The following VWA2 variants were observed in gnomAD, a reference collection of about 807,000 sequenced individuals.
VWA2 encodes the protein von Willebrand factor A domain containing 2, also known as von Willebrand factor A domain-containing protein 2.
A neutral mutation model predicts 70.4 loss-of-function variants in VWA2; 73 were observed. That is an observed-to-expected ratio of 1.04 (90% CI 0.86 to 1.26). The LOEUF is 1.26. Ranked by LOEUF, VWA2 falls within the 50% of genes most tolerant of loss-of-function variation. The probability of loss-of-function intolerance (pLI) is 0.00; values close to 1 mark genes in which losing one functional copy is unlikely to be tolerated. For missense variants in VWA2, 1,011 were observed against 998.5 expected (o/e 1.01, Z -0.17); for synonymous variants, 407 against 423.3 (o/e 0.96, Z 0.47).
intron 1 of VWA2, among the ~76,000 whole-genome samples, chr10:114,243,526 G>T (rs1281527808): frequency 6.6e-6 from 1 of 152,180 alleles, no homozygotes; most frequent in South Asian, 2.1e-4. Context: ...TCCCATTCAG[G>T]TGTGTACTGT....
At chr10:114,284,139 C>T (rs753639940) in intron 9 of VWA2, among the ~76,000 whole-genome samples, 8 of 152,342 alleles carry the variant, frequency 5.3e-5, no homozygotes, top group Non-Finnish European at 1.0e-4. Flanking sequence ...ATAGATCAGA[C>T]GCTTCAGAAT....
chr10:114,294,190 T>C lies in VWA2; in HGVS notation c.*2953T>C, dbSNP rs2039860169. 6.6e-6 allele frequency among the ~76,000 whole-genome samples: 1 copy of C among 152,242 alleles called. No homozygotes were observed. Among genetic ancestry groups the C allele is most frequent in the South Asian group, 2.1e-4 (1 of 4,836 alleles). ...CTGCTGAATTTTTCATTTGCCAACA[T>C]CTTATTTCAGATTCTTTTAATCTGT... On this transcript the variant is annotated 3_prime_UTR_variant, in exon 14 of 14. Transcript: ENST00000392982.
intron 9 of VWA2, 135 bp downstream of exon 9, chr10:114,282,706 G>C: frequency 2.8e-6 from 2 of 719,382 alleles, no homozygotes; most frequent in Non-Finnish European, 5.0e-6. Flanking sequence ...GGGCACTTGG[G>C]GGGCAGAGGA....
chr10:114,250,474 A>G (rs1209121209), intron 2 of VWA2, among the ~76,000 whole-genome samples: 2 of 152,190 alleles, frequency 1.3e-5, no homozygotes, highest in East Asian at 3.8e-4. Context: ...CAGCCTCGTG[A>G]GGCTCGGGGT....
chr10:114,245,055 G>A (rs1187157433), intron 1 of VWA2, among the ~76,000 whole-genome samples: 1 of 152,204 alleles, frequency 6.6e-6, no homozygotes. Context: ...GTGACAGTAG[G>A]GATTGTATTG....
chr10:114,253,740 T>C lies in VWA2; in HGVS notation c.127+15T>C, dbSNP rs568048765. ...TGCCAGCAAAAGTAAGCCCAGGTTC[T>C]TCTTAACCCTCCAGATGCCCACTCA... On this transcript the variant is annotated intron_variant, in intron 3 of 13. Coordinates refer to ENST00000392982, the MANE Select transcript of VWA2 (RefSeq NM_001272046.2). 1 of 1,611,502 alleles carries C rather than the reference T, an allele frequency of 6.2e-7. No homozygotes were observed. The highest frequency in any genetic ancestry group is 1.1e-5 in the South Asian group (1 of 90,936).
chr10:114,266,479 C>T (rs1189987933), intron 5 of VWA2, among the ~76,000 whole-genome samples: 1 of 152,128 alleles, frequency 6.6e-6, no homozygotes, highest in Non-Finnish European at 1.5e-5. Context: ...TCAACTCAAA[C>T]CCAGGACACT....
intron 3 of VWA2, 136 bp from the exon 4 acceptor site, chr10:114,254,779 G>A (rs1303857285): frequency 8.4e-7 from 1 of 1,190,890 alleles, no homozygotes; most frequent in Admixed American, 2.0e-5. Context: ...GAGGAGGGCT[G>A]CTTCTGCAGT....
Position 114,277,076 on chromosome 10 carries a change from TGAATG to T in VWA2, c.567-836_567-832del, listed in dbSNP as rs568231515. On this transcript the variant is annotated intron_variant, in intron 6 of 13. Transcript: ENST00000392982. ...GTTTTACAGACCTGAATTTTAGAAA[TGAATG>T]GGATTTTTGCCCTATCGTCAAACCT... Among the ~76,000 whole-genome samples the T allele has an allele frequency of 6.0e-4, 91 of 150,970 alleles. 1 individual carries two copies. In the South Asian group the frequency reaches 0.019, roughly 31 times the overall value.
At chr10:114,264,813 G>C (rs578077979) in intron 5 of VWA2, among the ~76,000 whole-genome samples, 1 of 151,562 alleles carries the variant, frequency 6.6e-6, no homozygotes, top group African/African-American at 2.4e-5. Context: ...TCCACCTCCC[G>C]GGTTCAAGCG....
chr10:114,286,348 G>A lies in VWA2; in HGVS notation c.1407G>A (p.Arg469=). The change falls in exon 11 of 14, where the codon AGG becomes AGA. Residue 469 remains arginine, a synonymous_variant. Coordinates refer to ENST00000392982, the MANE Select transcript of VWA2 (RefSeq NM_001272046.2). The stretch of plus-strand genomic sequence containing the variant: ...TTGCGGGCCCAGCGCGTCACGCAAG[G>A]GCGCGAGAGCTGCTCCTGCTGGGTG... The part of the protein sequence containing the change: ...DEVAGPARHA[R]ARELLLLGVG... 3 of 1,613,526 alleles carry A rather than the reference G, an allele frequency of 1.9e-6. No homozygotes were observed. Among genetic ancestry groups the A allele is most frequent in the East Asian group, 2.2e-5 (1 of 44,898 alleles).
At chr10:114,253,798 G>A in intron 3 of VWA2, 73 bp downstream of exon 3, 1 of 1,409,628 alleles carries the variant, frequency 7.1e-7, no homozygotes, top group Non-Finnish European at 9.9e-7. Flanking sequence ...TGAGAACCAT[G>A]TTCTTCCAGA....
rs373000451 is a variant in VWA2, at chr10:114,278,792, A to G, written c.774A>G (p.Pro258=). 1.9e-6 allele frequency: 3 copies of G among 1,613,772 alleles called. No individual in the cohort carries two copies. The highest frequency in any genetic ancestry group is 2.5e-6 in the Non-Finnish European group (3 of 1,180,028). The change falls in exon 8 of 14, where the codon CCA becomes CCG. Residue 258 remains proline (P), a synonymous_variant. Coordinates refer to ENST00000392982, the MANE Select transcript of VWA2 (RefSeq NM_001272046.2). ...EMVREFAGNA[P]CWRGSRRTLA... The stretch of plus-strand genomic sequence containing the variant: ...TCCGGGAGTTCGCTGGCAATGCCCC[A>G]TGCTGGAGAGGATCGCGGCGGACCC...
Position 114,261,260 on chromosome 10 carries a change from G to A in VWA2, c.336G>A (p.Gln112=). The change falls in exon 5 of 14, where the codon CAG becomes CAA. Residue 112 remains glutamine (Q), a synonymous_variant. Transcript: ENST00000392982. ...CCTTGGATTCATTTTCAACCCAACAGGAAGTGAAGGCAAGAATCAAGAGGA... is the reference window on the plus strand; with the variant it reads ...CCTTGGATTCATTTTCAACCCAACAAGAAGTGAAGGCAAGAATCAAGAGGA... ...EFPLDSFSTQ[Q]EVKARIKRMV... The A allele has an allele frequency of 6.2e-7, 1 of 1,614,162 alleles. No homozygotes were observed. Among genetic ancestry groups the A allele is most frequent in the Non-Finnish European group, 8.5e-7 (1 of 1,180,024 alleles).
In VWA2 at chr10:114,286,300, TG is replaced by T. The variant is rs761338850; in HGVS notation, c.1360del (p.Glu454SerfsTer25). On this transcript the variant is annotated frameshift_variant, in exon 11 of 14. Transcript: ENST00000392982. LOFTEE classifies it high-confidence loss of function. ...RPRRVVVLLT[E>X]SHSEDEVAGP... is the part of the protein sequence containing the mutation. ...CACGTAGAGTGGTGGTTTTGCTCAC[TG>T]AGTCACACTCCGAGGATGAGGTTGC... 125 of 1,610,474 alleles carry T rather than the reference TG, an allele frequency of 7.8e-5. 1 individual carries two copies. In the Admixed American group the frequency reaches 2.1e-3, roughly 27 times the overall value.
At chr10:114,285,876 G>C in intron 10 of VWA2, 63 bp from the exon 11 acceptor site, 1 of 1,479,120 alleles carries the variant, frequency 6.8e-7, no homozygotes, top group Non-Finnish European at 9.0e-7. Flanking sequence ...GGCATCTCGG[G>C]TGGGACAGCT....
chr10:114,278,218 T>G (rs1389657547), intron 7 of VWA2, among the ~76,000 whole-genome samples, 171 bp downstream of exon 7: 2 of 152,242 alleles, frequency 1.3e-5, no homozygotes, highest in Middle Eastern at 3.4e-3. Flanking sequence ...CCCTGCCCTG[T>G]GGGTTTCCCA....
At chr10:114,242,111 T>A (rs140350230) in intron 1 of VWA2, among the ~76,000 whole-genome samples, 1 of 152,296 alleles carries the variant, frequency 6.6e-6, no homozygotes, top group East Asian at 1.9e-4. Flanking sequence ...CTGACTTTCC[T>A]TGAATGTGAT....
intron 2 of VWA2, among the ~76,000 whole-genome samples, chr10:114,249,325 C>T (rs1266390011): frequency 2.0e-5 from 3 of 152,182 alleles, no homozygotes; most frequent in African/African-American, 7.2e-5. Context: ...GGCGCAATCT[C>T]TGCTCACTGT....
Sources: gnomAD v4.1 joint callset for allele counts (sites outside exome capture counted in the v4.1 genomes callset) on GRCh38, gnomAD v4.1.1 for gene constraint, MANE v1.5 for transcripts, NCBI Gene and HGNC (gene_info 2026-07-23, HGNC 2026-07-21) for gene names.